Variants in ZAN observed in about 807,000 individuals in gnomAD.
ZAN encodes zonadhesin (gene/pseudogene).
Under a neutral mutation model 286.2 loss-of-function variants are expected in ZAN, and 260 were observed. The ratio of observed to expected loss-of-function variants is 0.91; its 90% CI spans 0.82 to 1.01. The LOEUF (loss-of-function observed/expected upper bound fraction) is 1.01. Ranked by LOEUF, ZAN falls within the 50% of genes least tolerant of loss-of-function variation. ZAN has a pLI of 0.00. For missense variants in ZAN, 3,410 were observed against 3,639.2 expected, an observed-to-expected ratio of 0.94 and a Z score of 1.62; for synonymous variants, 1,368 against 1,417.5, an observed-to-expected ratio of 0.97 and a Z score of 0.79.
chr7:100,737,134 G>A, intron 5 of ZAN, 54 bp downstream of exon 5: 2 of 1,460,834 alleles, frequency 1.4e-6, no homozygotes, highest in South Asian at 2.4e-5. Flanking sequence ...GTGTTGGAGA[G>A]CCTGAGGGTG....
chr7:100,772,057 C>T (rs1810405787), intron 29 of ZAN, 37 bp downstream of exon 29: 2 of 1,537,796 alleles, frequency 1.3e-6, no homozygotes, highest in Non-Finnish European at 8.7e-7. Context: ...AGCCCATAGG[C>T]ACCCTCCAGA....
At chr7:100,791,210 C>T (rs1811934807) in intron 40 of ZAN, 97 bp downstream of exon 40, 2 of 1,455,068 alleles carry the variant, frequency 1.4e-6, no homozygotes, top group African/African-American at 2.8e-5. Context: ...GATGAAACTC[C>T]AGGGAGAGGG....
Position 100,762,291 on chromosome 7 carries a change from G to A in ZAN, c.3919G>A (p.Gly1307Ser), listed in dbSNP as rs374813843. The A allele has an allele frequency of 2.0e-5, 32 of 1,613,622 alleles. No homozygotes were observed. In the African/African-American group the frequency reaches 2.9e-4, roughly 15 times the overall value. Residue 1307 changes from glycine (G) to serine (S), a missense_variant, in exon 20 of 48, where the codon GGC becomes AGC. Gly to Ser is a moderately conservative substitution (Grantham distance 56). Around this residue, in one of 7 missense-constraint regions of ZAN, gnomAD observed 1,042 missense variants for 1,058.0 expected, o/e 0.98. Coordinates refer to ENST00000613979, the MANE Select transcript of ZAN (RefSeq NM_003386.3). ...TGACAATGACCACCTGAAGTTGGAC[G>A]GCAGCCCAGCAGGAGACAAGGAGGA... The part of the protein sequence containing the change: ...NSDNDHLKLD[G>S]SPAGDKEELG...
chr7:100,751,340 T>A, intron 13 of ZAN, 74 bp downstream of exon 13: 2 of 1,108,150 alleles, frequency 1.8e-6, no homozygotes, highest in Non-Finnish European at 2.5e-6. Context: ...ATGAACTGCT[T>A]AAAATGTGAG....
intron 27 of ZAN, 143 bp from the exon 28 acceptor site, chr7:100,769,737 G>C: frequency 1.5e-6 from 1 of 655,532 alleles, no homozygotes; most frequent in Non-Finnish European, 2.6e-6. Context: ...TGTAGAGATA[G>C]GATCTCACTA....
At chr7:100,788,792 A>G (rs1256813743) in intron 38 of ZAN, among the ~76,000 whole-genome samples, 1 of 151,988 alleles carries the variant, frequency 6.6e-6, no homozygotes, top group African/African-American at 2.4e-5. Context: ...TCCACCTCCC[A>G]GGTTCAAGTG....
intron 35 of ZAN, among the ~76,000 whole-genome samples, chr7:100,784,025 T>C (rs1362892928): frequency 6.6e-6 from 1 of 151,066 alleles, no homozygotes; most frequent in African/African-American, 2.4e-5. Context: ...ATGCCTTGTA[T>C]GCTCTTGCTG....
At chr7:100,794,816 G>A (rs999196811) in intron 44 of ZAN, among the ~76,000 whole-genome samples, 1 of 147,870 alleles carries the variant, frequency 6.8e-6, no homozygotes, top group African/African-American at 2.5e-5. Flanking sequence ...CAGCCTGGGT[G>A]ACAGAGTGAG....
chr7:100,738,883 C>T (rs374906370), intron 7 of ZAN, among the ~76,000 whole-genome samples: 3,833 of 9,638 alleles, frequency 0.4, 608 homozygotes, highest in Middle Eastern at 0.5. Context: ...TTCTCCCTCT[C>T]CCTCTCCCTC....
chr7:100,749,651 AATAT>A (rs1247548413), intron 11 of ZAN, among the ~76,000 whole-genome samples: 11 of 109,420 alleles, frequency 1.0e-4, no homozygotes, highest in South Asian at 5.9e-4. Context: ...AAAAAAAAAA[AATAT>A]ATATATATAT....
chr7:100,784,474 A>G, intron 35 of ZAN, 149 bp from the exon 36 acceptor site: 1 of 761,162 alleles, frequency 1.3e-6, no homozygotes, highest in Non-Finnish European at 2.1e-6. Flanking sequence ...ACCCATACTC[A>G]GTAAATGTTT....
rs771092280 is a variant in ZAN at position 100,767,935 on chromosome 7, A to G, written c.4965A>G (p.Gln1655=). 2.5e-6 allele frequency: 4 copies of G among 1,613,944 alleles called. No homozygotes were observed. The highest frequency in any genetic ancestry group is 1.3e-5 in the African/African-American group (1 of 75,042). The part of the protein sequence containing the change: ...LVLLYTNFGL[Q]VRYDGSHLVE... Reference sequence around the variant, plus strand: ...TCCTCTACACGAACTTTGGGCTCCAAGTTCGCTACGACGGGAGCCACTTGG... The same window carrying G: ...TCCTCTACACGAACTTTGGGCTCCAGGTTCGCTACGACGGGAGCCACTTGG... Residue 1655 remains glutamine (Q), a synonymous_variant, in exon 26 of 48, where the codon CAA becomes CAG. Coordinates refer to ENST00000613979, the MANE Select transcript of ZAN (RefSeq NM_003386.3).
intron 35 of ZAN, among the ~76,000 whole-genome samples, chr7:100,784,130 CTT>C (rs35784170): frequency 8.0e-4 from 95 of 119,090 alleles, no homozygotes; most frequent in African/African-American, 1.1e-3. Flanking sequence ...ATTCTTGTTC[CTT>C]TTTTTTTTTT....
Position 100,779,506 on chromosome 7 carries a change from T to A in ZAN, c.6378T>A (p.Ser2126Arg), listed in dbSNP as rs938464084. The change falls in exon 35 of 48, where the codon AGT becomes AGA. Residue 2126 changes from serine to arginine, a missense_variant. Physicochemically the swap from Ser to Arg is moderately radical, Grantham distance 110. Around this residue, in one of 7 missense-constraint regions of ZAN, gnomAD observed 1,289 missense variants for 1,314.3 expected, o/e 0.98. Transcript: ENST00000613979. ...QIPAEQQENP[S>R]GNCRAADLRR... ...CAGCGGAACAGCAGGAGAACCCGAGTGGAAACTGCAGGGCGGCCGACCTCC... is the reference window on the plus strand; with the variant it reads ...CAGCGGAACAGCAGGAGAACCCGAGAGGAAACTGCAGGGCGGCCGACCTCC... 1.2e-6 allele frequency: 2 copies of A among 1,612,036 alleles called. No individual in the cohort carries two copies. Among genetic ancestry groups the A allele is most frequent in the African/African-American group, 2.7e-5 (2 of 74,826 alleles).
chr7:100,740,245 TG>T (rs1807639385), intron 7 of ZAN, among the ~76,000 whole-genome samples: 1 of 139,900 alleles, frequency 7.1e-6, no homozygotes, highest in Admixed American at 7.1e-5. Context: ...TCTGTGTGAA[TG>T]GGGAGCCTTT....
chr7:100,772,858 TG>T (rs1810471271), intron 29 of ZAN, among the ~76,000 whole-genome samples: 1 of 124,052 alleles, frequency 8.1e-6, no homozygotes, highest in Non-Finnish European at 1.8e-5. Flanking sequence ...ATTTTATGTC[TG>T]TTTTTTTTTT....
At chr7:100,784,591 C>G in intron 35 of ZAN, 32 bp from the exon 36 acceptor site, 1 of 1,609,626 alleles carries the variant, frequency 6.2e-7, no homozygotes, top group Middle Eastern at 1.9e-4. Context: ...CTGTGACCCT[C>G]TCCACTGACC....
chr7:100,738,407 C>G lies in ZAN; in HGVS notation c.614-54C>G. On this transcript the variant is annotated intron_variant, in intron 6 of 47. Transcript: ENST00000613979. The stretch of plus-strand genomic sequence containing the variant: ...TACTCTAGCCTGGGTGACAGAGACC[C>G]TGTCTCTAAAAAAGAAGAAAACATT... 1.5e-6 allele frequency: 2 copies of G among 1,372,084 alleles called. 1 individual carries two copies. The highest frequency in any genetic ancestry group is 2.0e-6 in the Non-Finnish European group (2 of 997,644). The allele number at this position is 1,372,084 out of a possible 1,614,324, so 85.0% of individuals were successfully genotyped here.
In ZAN at chr7:100,738,485, T is replaced by G; in HGVS notation, c.638T>G (p.Phe213Cys). 1 of 1,478,634 alleles carries G rather than the reference T, an allele frequency of 6.8e-7. No homozygotes were observed. The highest frequency in any genetic ancestry group is 2.4e-5 in the East Asian group (1 of 41,686). The allele number at this position is 1,478,634 out of a possible 1,614,324, so 91.6% of individuals were successfully genotyped here. A position where few individuals can be genotyped will look rare whatever the true frequency, so the allele number is the denominator to read the frequency against. Residue 213 changes from phenylalanine (F) to cysteine (C), a missense_variant, in exon 7 of 48, where the codon TTT becomes TGT. Coordinates refer to ENST00000613979, the MANE Select transcript of ZAN (RefSeq NM_003386.3). Reference protein sequence around the residue: ...NRVCMMQTCSFDIPNDLCDWT... With the variant: ...NRVCMMQTCSCDIPNDLCDWT... ...GTCTGTATGATGCAAACATGCAGCT[T>G]TGACATTCCAAATGACCTCTGTGAC...
Sources: allele counts gnomAD v4.1 joint callset (sites outside exome capture counted in the v4.1 genomes callset), GRCh38; gene constraint gnomAD v4.1.1; regional missense constraint gnomAD v4.1.1; transcripts MANE v1.5; gene names NCBI Gene and HGNC (gene_info 2026-07-23, HGNC 2026-07-21).